Variants in PPP2R3A observed in about 807,000 individuals in gnomAD.
PPP2R3A encodes protein phosphatase 2 regulatory subunit B''alpha.
Under a neutral mutation model 106.9 loss-of-function variants are expected in PPP2R3A, and 80 were observed. The observed-to-expected ratio is 0.75, with a 90% CI of 0.62 to 0.90. PPP2R3A has a LOEUF of 0.90. Among genes scored for constraint, PPP2R3A ranks in the 40% least tolerant of loss-of-function variants. PPP2R3A has a pLI of 0.00. For missense variants in PPP2R3A, 1,386 were observed against 1,350.4 expected, an observed-to-expected ratio of 1.03 and a Z score of -0.41; for synonymous variants, 483 against 468.3, an observed-to-expected ratio of 1.03 and a Z score of -0.41.
chr3:136,106,323 G>A lies in PPP2R3A; in HGVS notation c.3329+1G>A. ...CTGCCCAAGCACAATTCCAGGAAGGGTGAGTAAGTTTCCCTATGTCTTATA... is the reference window on the plus strand; with the variant it reads ...CTGCCCAAGCACAATTCCAGGAAGGATGAGTAAGTTTCCCTATGTCTTATA... On this transcript the variant is annotated splice_donor_variant, in intron 13 of 13. Coordinates refer to ENST00000264977, the MANE Select transcript of PPP2R3A (RefSeq NM_002718.5). LOFTEE classifies it high-confidence loss of function. 1 of 1,612,810 alleles carries A rather than the reference G, an allele frequency of 6.2e-7. No individual in the cohort carries two copies. Among genetic ancestry groups the A allele is most frequent in the Non-Finnish European group, 8.5e-7 (1 of 1,178,930 alleles).
At chr3:136,047,557 A>G (rs1238676868) in intron 4 of PPP2R3A, among the ~76,000 whole-genome samples, 2 of 152,188 alleles carry the variant, frequency 1.3e-5, no homozygotes, top group African/African-American at 2.4e-5. Context: ...ACCAAATACC[A>G]TATGTTCTCA....
chr3:136,118,440 C>T (rs1937865173), intron 13 of PPP2R3A, among the ~76,000 whole-genome samples: 1 of 152,104 alleles, frequency 6.6e-6, no homozygotes, highest in South Asian at 2.1e-4. Flanking sequence ...TCAAATTGTC[C>T]CTGTTTGCAG....
chr3:136,108,206 G>C (rs1420149384), intron 13 of PPP2R3A, among the ~76,000 whole-genome samples: 2 of 142,988 alleles, frequency 1.4e-5, no homozygotes, highest in African/African-American at 6.1e-5. Context: ...GAGCTAGCTA[G>C]ACCCTGACAC....
intron 2 of PPP2R3A, chr3:136,023,133 G>A: frequency 6.2e-7 from 1 of 1,613,484 alleles, no homozygotes; most frequent in Non-Finnish European, 8.5e-7. Flanking sequence ...AGCTTTCCTG[G>A]CAAGGGGCTG....
intron 10 of PPP2R3A, among the ~76,000 whole-genome samples, chr3:136,093,524 G>T (rs948396769): frequency 6.6e-6 from 1 of 152,194 alleles, no homozygotes; most frequent in South Asian, 2.1e-4. Context: ...TAAGGAACTT[G>T]TATCTAGAAC....
chr3:136,113,205 C>A (rs1473327966), intron 13 of PPP2R3A, among the ~76,000 whole-genome samples: 1 of 302 alleles, frequency 3.3e-3, no homozygotes, highest in African/African-American at 9.1e-3. Flanking sequence ...ATCACACTAC[C>A]CAATTCAAAC....
chr3:136,128,166 T>G (rs1370776921), intron 13 of PPP2R3A, among the ~76,000 whole-genome samples: 1 of 152,048 alleles, frequency 6.6e-6, no homozygotes, highest in Non-Finnish European at 1.5e-5. Flanking sequence ...CATAACAGTA[T>G]TAACCTTAAA....
At chr3:136,063,466 A>G (rs1936149700) in intron 5 of PPP2R3A, among the ~76,000 whole-genome samples, 1 of 152,218 alleles carries the variant, frequency 6.6e-6, no homozygotes, top group South Asian at 2.1e-4. Context: ...AAAAGAAACT[A>G]CCATCAGAGT....
At chr3:135,975,692 TG>T (rs1363596182) in intron 1 of PPP2R3A, among the ~76,000 whole-genome samples, 5 of 152,198 alleles carry the variant, frequency 3.3e-5, no homozygotes, top group African/African-American at 1.2e-4. Flanking sequence ...ATGAACATCC[TG>T]GTACTTGGGC....
At chr3:135,968,771 G>A (rs1441253737) in intron 1 of PPP2R3A, among the ~76,000 whole-genome samples, 1 of 152,108 alleles carries the variant, frequency 6.6e-6, no homozygotes, top group Non-Finnish European at 1.5e-5. Context: ...TTTTTTGTGG[G>A]CATTCAAGGA....
At chr3:136,029,845 A>C (rs1934804644) in intron 3 of PPP2R3A, among the ~76,000 whole-genome samples, 1 of 152,200 alleles carries the variant, frequency 6.6e-6, no homozygotes, top group Non-Finnish European at 1.5e-5. Context: ...TTAGATCTTA[A>C]TTGTCAGTTC....
At chr3:136,085,071 G>A (rs1222224492) in intron 8 of PPP2R3A, among the ~76,000 whole-genome samples, 2 of 152,180 alleles carry the variant, frequency 1.3e-5, no homozygotes, top group African/African-American at 4.8e-5. Flanking sequence ...GTTTTGAAGT[G>A]TGGGGATCTG....
intron 1 of PPP2R3A, among the ~76,000 whole-genome samples, chr3:135,976,134 C>A (rs986528252): frequency 1.7e-4 from 26 of 152,122 alleles, no homozygotes; most frequent in Admixed American, 2.6e-4. Flanking sequence ...TAATAGGAAC[C>A]CCAGCTTTTA....
At chr3:136,096,919 C>T (rs1937228950) in intron 10 of PPP2R3A, among the ~76,000 whole-genome samples, 1 of 152,176 alleles carries the variant, frequency 6.6e-6, no homozygotes, top group Non-Finnish European at 1.5e-5. Flanking sequence ...CAGTGAGCTG[C>T]GATCATGTCA....
intron 12 of PPP2R3A, among the ~76,000 whole-genome samples, chr3:136,103,877 T>C (rs1483970708): frequency 4.6e-5 from 7 of 152,202 alleles, no homozygotes; most frequent in African/African-American, 1.7e-4. Context: ...GCTATCAGTT[T>C]TGAATGCATT....
At chr3:136,128,717 T>C (rs1938281978) in intron 13 of PPP2R3A, among the ~76,000 whole-genome samples, 1 of 152,312 alleles carries the variant, frequency 6.6e-6, no homozygotes, top group African/African-American at 2.4e-5. Flanking sequence ...GAATATACAT[T>C]CTTCTCAGCA....
chr3:136,046,856 A>G (rs1479705766), intron 4 of PPP2R3A, among the ~76,000 whole-genome samples: 1 of 152,208 alleles, frequency 6.6e-6, no homozygotes, highest in Admixed American at 6.5e-5. Context: ...AAACAGTAAA[A>G]TGATCCAAGA....
chr3:135,977,840 T>G (rs1937461732), intron 1 of PPP2R3A, among the ~76,000 whole-genome samples: 1 of 151,806 alleles, frequency 6.6e-6, no homozygotes, highest in South Asian at 2.1e-4. Context: ...GCTGTGACTA[T>G]AGGTGTGAGC....
In PPP2R3A at chr3:136,026,954, C is replaced by T. The variant is rs151257295; in HGVS notation, c.2118C>T (p.Ser706=). 1.8e-5 allele frequency: 29 copies of T among 1,613,672 alleles called. No homozygotes were observed. In the African/African-American group the frequency reaches 3.7e-4, roughly 21 times the overall value. The change falls in exon 3 of 14, where the codon TCC becomes TCT. Residue 706 remains serine, a synonymous_variant. Transcript: ENST00000264977. The part of the protein sequence containing the change: ...HVNNVVNAPL[S]INIPRFYFPE... ...ATAATGTTGTGAATGCGCCATTGTC[C>T]ATAAACATTCCACGGTTCTACTTTC...
Sources: allele counts gnomAD v4.1 joint callset (sites outside exome capture counted in the v4.1 genomes callset), GRCh38; gene constraint gnomAD v4.1.1; transcripts MANE v1.5; gene names NCBI Gene and HGNC (gene_info 2026-07-23, HGNC 2026-07-21).